FER1L5: variants seen among roughly 807,000 people sequenced by gnomAD.
FER1L5 encodes fer-1-like protein 5.
In FER1L5, 187 loss-of-function variants were observed where a neutral mutation model predicts 279.9. The ratio of observed to expected loss-of-function variants is 0.67; its 90% CI spans 0.59 to 0.75. The LOEUF is 0.75. FER1L5 is among the 30% of genes least tolerant of loss of function. The pLI is 0.00. For missense variants in FER1L5, 2,091 were observed against 2,594.4 expected, an observed-to-expected ratio of 0.81 and a Z score of 4.21; for synonymous variants, 921 against 989.7, an observed-to-expected ratio of 0.93 and a Z score of 1.30.
In FER1L5 at chr2:96,691,917, G is replaced by A. The variant is rs1158614575; in HGVS notation, c.3168G>A (p.Gln1056=). 1.3e-6 allele frequency: 2 copies of A among 1,550,666 alleles called. No individual in the cohort carries two copies. Among genetic ancestry groups the A allele is most frequent in the South Asian group, 2.4e-5 (2 of 84,012 alleles). ...GACAGTTCAGGGACCCCCAGAGGCA[G>A]GACACCCGGCCCCCCAACTTGCCCT... ...LDRQFRDPQR[Q]DTRPPNLPFI... The change falls in exon 30 of 53, where the codon CAG becomes CAA. Residue 1056 remains glutamine (Q), a synonymous_variant. Coordinates refer to ENST00000624922, the MANE Select transcript of FER1L5 (RefSeq NM_001293083.2). This position sits in a 1 kb window ranked among gnomAD's most constrained non-coding sequence, Gnocchi z 6.0.
rs148988950 is a variant in FER1L5, at chr2:96,665,666, G to A, written c.1140+2159G>A. Among the ~76,000 whole-genome samples the A allele has an allele frequency of 2.8e-4, 42 of 151,102 alleles. 1 individual carries two copies. The highest frequency in any genetic ancestry group is 5.3e-4 in the Admixed American group (8 of 15,136). On this transcript the variant is annotated intron_variant, in intron 14 of 52. Transcript: ENST00000624922. ...GTCACCCAGGCTGGAGTGCAATGGC[G>A]CGATCTCGGCTCACTGCAACTTCTG... is the stretch of plus-strand genomic sequence containing the variant.
At chr2:96,697,610 G>A (rs779658808) in intron 38 of FER1L5, 34 bp downstream of exon 38, 1 of 1,613,796 alleles carries the variant, frequency 6.2e-7, no homozygotes, top group Non-Finnish European at 8.5e-7. Flanking sequence ...AGTGCAGGGA[G>A]GTGGGGGGCT....
rs1267536986 is a variant in FER1L5, at chr2:96,689,251, G to A, written c.2400G>A (p.Gln800=). 2 of 1,550,642 alleles carry A rather than the reference G, an allele frequency of 1.3e-6. No homozygotes were observed. Among genetic ancestry groups the A allele is most frequent in the Non-Finnish European group, 1.7e-6 (2 of 1,146,684 alleles). The change falls in exon 25 of 53, where the codon CAG becomes CAA. Residue 800 remains glutamine, a synonymous_variant. Transcript: ENST00000624922. The surrounding 1 kb of genome is among the most constrained non-coding windows in gnomAD (Gnocchi z 4.6). ...NQAKYKDQWG[Q]QGLYHCPNFS... The stretch of plus-strand genomic sequence containing the variant: ...CCAAGTATAAAGACCAGTGGGGGCA[G>A]CAGGGGCTGTATCACTGCCCCAACT...
Position 96,686,194 on chromosome 2 carries a change from G to A in FER1L5, c.2074-1G>A, listed in dbSNP as rs2076918887. On this transcript the variant is annotated splice_acceptor_variant, in intron 22 of 52. Coordinates refer to ENST00000624922, the MANE Select transcript of FER1L5 (RefSeq NM_001293083.2). LOFTEE classifies it high-confidence loss of function. Reference sequence around the variant, plus strand: ...GGCCTGACATTCTCCCACCTCGGCAGCCCCAGATGGGCCTCCCTGACGTGA... The same window carrying A: ...GGCCTGACATTCTCCCACCTCGGCAACCCCAGATGGGCCTCCCTGACGTGA... The A allele has an allele frequency of 5.2e-6, 8 of 1,550,010 alleles. No homozygotes were observed. The highest frequency in any genetic ancestry group is 7.0e-6 in the Non-Finnish European group (8 of 1,145,926).
intron 50 of FER1L5, 65 bp from the exon 51 acceptor site, chr2:96,703,458 G>C: frequency 1.2e-6 from 2 of 1,608,260 alleles, no homozygotes; most frequent in Non-Finnish European, 1.7e-6. Context: ...CCCGGGAAGA[G>C]GTCCTAAAAC....
chr2:96,675,308 A>G (rs1444360166), intron 19 of FER1L5, among the ~76,000 whole-genome samples: 1 of 152,250 alleles, frequency 6.6e-6, no homozygotes, highest in Non-Finnish European at 1.5e-5. Flanking sequence ...GGTGGAAAAG[A>G]AACTCAAAGC....
At chr2:96,681,654 T>C (rs1306774156) in intron 19 of FER1L5, among the ~76,000 whole-genome samples, 1 of 152,182 alleles carries the variant, frequency 6.6e-6, no homozygotes, top group African/African-American at 2.4e-5. Context: ...AGTGTGTTCA[T>C]AGATCCAGAT....
intron 23 of FER1L5, 150 bp from the exon 24 acceptor site, chr2:96,687,666 C>G: frequency 1.6e-6 from 2 of 1,231,144 alleles, no homozygotes; most frequent in Admixed American, 5.0e-5. Context: ...AACTCCATGC[C>G]ATTCACTTAC....
At chr2:96,654,695 C>T (rs1406656013) in intron 9 of FER1L5, 199 bp downstream of exon 9, 7 of 315,880 alleles carry the variant, frequency 2.2e-5, no homozygotes, top group African/African-American at 6.5e-5. Context: ...GTCAGGAGAT[C>T]GAGACCATCG....
Position 96,689,790 on chromosome 2 carries a change from G to A in FER1L5, c.2640+32G>A. 2.0e-6 allele frequency: 3 copies of A among 1,500,514 alleles called. No homozygotes were observed. Among genetic ancestry groups the A allele is most frequent in the Non-Finnish European group, 2.7e-6 (3 of 1,117,176 alleles). The allele number at this position is 1,500,514 out of a possible 1,614,324, so 92.9% of individuals were successfully genotyped here. A position where few individuals can be genotyped will look rare whatever the true frequency, so the allele number is the denominator to read the frequency against. ...AGGGCCGAAGCTGCCTCGGGTTAGG[G>A]GGCAAGCAAGGCCACCAGGCGGGGC... On this transcript the variant is annotated intron_variant, in intron 26 of 52. Coordinates refer to ENST00000624922, the MANE Select transcript of FER1L5 (RefSeq NM_001293083.2). This position sits in a 1 kb window ranked among gnomAD's most constrained non-coding sequence, Gnocchi z 4.6.
chr2:96,695,925 C>A (rs1393884570), intron 36 of FER1L5, 21 bp downstream of exon 36: 1 of 1,612,148 alleles, frequency 6.2e-7, no homozygotes, highest in East Asian at 2.2e-5. Context: ...TCCTCCGTGC[C>A]TTTCCCCAGG....
At position 96,702,479 on chromosome 2, in the gene FER1L5, G is replaced by A. The variant is rs1375421366; in HGVS notation, c.5255+78G>A. 6 of 1,554,978 alleles carry A rather than the reference G, an allele frequency of 3.9e-6. No individual in the cohort carries two copies. The African/African-American group carries it at 6.8e-5, about 18-fold the overall frequency. ...CATCCTGCTGGCACGGCCCAGTCCTGAATGGGACACCTCTCCATCCAGCTC... is the reference window on the plus strand; with the variant it reads ...CATCCTGCTGGCACGGCCCAGTCCTAAATGGGACACCTCTCCATCCAGCTC... On this transcript the variant is annotated intron_variant, in intron 47 of 52. Transcript: ENST00000624922. The surrounding 1 kb of genome is among the most constrained non-coding windows in gnomAD (Gnocchi z 4.0).
intron 9 of FER1L5, among the ~76,000 whole-genome samples, chr2:96,658,515 G>A (rs1227678696): frequency 1.3e-5 from 2 of 151,984 alleles, no homozygotes; most frequent in Non-Finnish European, 2.9e-5. Flanking sequence ...GCCTCCCAAA[G>A]TGCTGGGATT....
chr2:96,647,824 C>A lies in FER1L5; in HGVS notation c.277C>A (p.Pro93Thr). ...TVLLKPLLKQ[P>T]SEVLFVKDLT... ...ACTGCTCAAGCCATTGTTGAAACAA[C>A]CAAGTGAGGTCCTTTTTGTGAAGGA... is the stretch of plus-strand genomic sequence containing the variant. The change falls in exon 4 of 53, where the codon CCA becomes ACA. Residue 93 changes from proline (P) to threonine (T), a missense_variant. Pro to Thr is a conservative substitution (Grantham distance 38). Coordinates refer to ENST00000624922, the MANE Select transcript of FER1L5 (RefSeq NM_001293083.2). 2 of 1,551,780 alleles carry A rather than the reference C, an allele frequency of 1.3e-6. No homozygotes were observed. Among genetic ancestry groups the A allele is most frequent in the Non-Finnish European group, 8.7e-7 (1 of 1,147,008 alleles).
rs2077238124 is a variant in FER1L5 at position 96,693,517 on chromosome 2, C to T, written c.3304C>T (p.Arg1102Trp). The T allele has an allele frequency of 1.9e-6, 3 of 1,551,260 alleles. No homozygotes were observed. Among genetic ancestry groups the T allele is most frequent in the Non-Finnish European group, 2.6e-6 (3 of 1,146,800 alleles). ...QILTFQGPFI[R>W]VVFLNHSQCT... ...CTCTACCCCTCCAGGGCCCTTCATT[C>T]GGGTGGTCTTCCTGAACCACAGCCA... The change falls in exon 32 of 53, where the codon CGG becomes TGG. Residue 1102 changes from arginine to tryptophan, a missense_variant. Arg to Trp is a moderately radical substitution (Grantham distance 101). Transcript: ENST00000624922.
chr2:96,687,785 C>A (rs1484919874), intron 23 of FER1L5, 31 bp from the exon 24 acceptor site: 9 of 1,549,012 alleles, frequency 5.8e-6, no homozygotes, highest in Non-Finnish European at 7.0e-6. Flanking sequence ...GTGTTTAGTG[C>A]CCCTGTGGGA....
Position 96,669,054 on chromosome 2 carries a change from G to A in FER1L5, c.1279G>A (p.Gly427Ser). ...CTCTCTCCTTCCAGGAGTGTACTCC[G>A]GCTTCCTGCCCTGCTTTGGCCCCAG... ...TGEEIEGVYS[G>S]FLPCFGPSFL... The change falls in exon 17 of 53, where the codon GGC becomes AGC. Residue 427 changes from glycine (G) to serine (S), a missense_variant. Transcript: ENST00000624922. The A allele has an allele frequency of 6.4e-7, 1 of 1,551,646 alleles. No homozygotes were observed. Among genetic ancestry groups the A allele is most frequent in the Non-Finnish European group, 8.7e-7 (1 of 1,146,980 alleles).
At chr2:96,677,308 T>C (rs2076545898) in intron 19 of FER1L5, among the ~76,000 whole-genome samples, 1 of 152,218 alleles carries the variant, frequency 6.6e-6, no homozygotes, top group Non-Finnish European at 1.5e-5. Flanking sequence ...CACCCCCAGG[T>C]CCACACAACT....
At position 96,670,158 on chromosome 2, in the gene FER1L5, G is replaced by A; in HGVS notation, c.1402G>A (p.Gly468Ser). The change falls in exon 18 of 53, where the codon GGC becomes AGC. Residue 468 changes from glycine (G) to serine (S), a missense_variant. Physicochemically the swap from Gly to Ser is moderately conservative, Grantham distance 56. Transcript: ENST00000624922. Reference protein sequence around the residue: ...DSVRDGLAYRGRVFLELITQI... With the variant: ...DSVRDGLAYRSRVFLELITQI... ...TGTTAGGGATGGTTTAGCTTATCGA[G>A]GCCGAGTCTTCCTGGAGTTAATCAC... 6.4e-7 allele frequency: 1 copy of A among 1,551,568 alleles called. No individual in the cohort carries two copies. The highest frequency in any genetic ancestry group is 8.7e-7 in the Non-Finnish European group (1 of 1,146,974).
Sources: allele counts gnomAD v4.1 joint callset (sites outside exome capture counted in the v4.1 genomes callset), GRCh38; gene constraint gnomAD v4.1.1; non-coding constraint Gnocchi (gnomAD v3.1); transcripts MANE v1.5; gene names NCBI Gene and HGNC (gene_info 2026-07-23, HGNC 2026-07-21).